The following FGF12 variants were observed in gnomAD, a reference collection of about 807,000 sequenced individuals.
FGF12 encodes fibroblast growth factor 12.
A neutral mutation model predicts 23.6 loss-of-function variants in FGF12; 14 were observed. That is an observed-to-expected ratio of 0.59 (90% CI 0.39 to 0.93). The LOEUF is 0.93. Among genes scored for constraint, FGF12 ranks in the 40% least tolerant of loss-of-function variants. The pLI is 0.00. For synonymous variants in FGF12, 62 were observed against 77.3 expected (o/e 0.80, Z 1.04); for missense variants, 175 against 217.8 (o/e 0.80, Z 1.24).
At chr3:192,710,264 T>A (rs1212806561) in intron 2 of FGF12, among the ~76,000 whole-genome samples, 4 of 152,172 alleles carry the variant, frequency 2.6e-5, no homozygotes, top group African/African-American at 9.7e-5. Context: ...ATGTAAGTAT[T>A]TAGTATTTAA....
At position 192,587,780 on chromosome 3, in the gene FGF12, C is replaced by T. The variant is rs1183281733; in HGVS notation, c.13+139401G>A. On this transcript the variant is annotated intron_variant, in intron 2 of 5. Coordinates refer to ENST00000445105, the MANE Select transcript of FGF12 (RefSeq NM_004113.6). ...AGGTTACAGGGAGCTATGACTGCAT[C>T]GCTGTATTCCAGCTGGGTGACACAG... Among the ~76,000 whole-genome samples the T allele has an allele frequency of 4.6e-5, 7 of 151,890 alleles. 1 individual carries two copies. The highest frequency in any genetic ancestry group is 1.9e-4 in the East Asian group (1 of 5,174).
At chr3:192,208,320 A>G (rs991506821) in intron 4 of FGF12, among the ~76,000 whole-genome samples, 13 of 152,230 alleles carry the variant, frequency 8.5e-5, no homozygotes, top group Non-Finnish European at 1.0e-4. Context: ...ATAACTCAAA[A>G]CACTGTAGGG....
chr3:192,166,822 C>A (rs1458911838), intron 5 of FGF12, among the ~76,000 whole-genome samples: 1 of 151,792 alleles, frequency 6.6e-6, no homozygotes, highest in African/African-American at 2.4e-5. Context: ...TGGCCTAAAA[C>A]CAATTAAGTT....
At chr3:192,230,029 C>T (rs1032608493) in intron 4 of FGF12, among the ~76,000 whole-genome samples, 3 of 152,110 alleles carry the variant, frequency 2.0e-5, no homozygotes, top group African/African-American at 7.2e-5. Context: ...CATCTTTCTA[C>T]TTAAGCTGTG....
chr3:192,310,573 A>G (rs1195655122), intron 4 of FGF12, among the ~76,000 whole-genome samples: 1 of 152,214 alleles, frequency 6.6e-6, no homozygotes, highest in Non-Finnish European at 1.5e-5. Flanking sequence ...GTTTTCATTA[A>G]ATAGCTCAAA....
rs74856777 is a variant in FGF12, at chr3:192,474,971, G to C, written c.14-114433C>G. Among the ~76,000 whole-genome samples the C allele has an allele frequency of 2.9e-3, 441 of 151,976 alleles. 2 individuals carry two copies. The highest frequency in any genetic ancestry group is 0.01 in the African/African-American group (435 of 41,450). On this transcript the variant is annotated intron_variant, in intron 2 of 5. Coordinates refer to ENST00000445105, the MANE Select transcript of FGF12 (RefSeq NM_004113.6). Reference sequence around the variant, plus strand: ...AGGAGAATTAACAGAATGTTCTGTGGGCTCTTGAGTCTTTTGCCTAGTTCT... The same window carrying C: ...AGGAGAATTAACAGAATGTTCTGTGCGCTCTTGAGTCTTTTGCCTAGTTCT...
chr3:192,604,350 T>C (rs1714247658), intron 2 of FGF12, among the ~76,000 whole-genome samples: 1 of 152,208 alleles, frequency 6.6e-6, no homozygotes, highest in Non-Finnish European at 1.5e-5. Context: ...GAGATTAAAG[T>C]AAAGATAGGC....
chr3:192,345,367 C>T (rs1199484175), intron 3 of FGF12, among the ~76,000 whole-genome samples: 1 of 152,136 alleles, frequency 6.6e-6, no homozygotes, highest in Non-Finnish European at 1.5e-5. Context: ...CTGGTGGCTA[C>T]AAAGCTGTAA....
intron 2 of FGF12, among the ~76,000 whole-genome samples, chr3:192,610,309 T>G (rs1198989575): frequency 6.6e-6 from 1 of 152,068 alleles, no homozygotes; most frequent in Non-Finnish European, 1.5e-5. Context: ...TCCCTTTTAT[T>G]GTACATTGTC....
At chr3:192,522,867 A>G (rs1214683022) in intron 2 of FGF12, among the ~76,000 whole-genome samples, 1 of 152,242 alleles carries the variant, frequency 6.6e-6, no homozygotes, top group East Asian at 1.9e-4. Flanking sequence ...AAGAATGTGC[A>G]TACGTTCACG....
chr3:192,225,019 C>T (rs1321011996), intron 4 of FGF12, among the ~76,000 whole-genome samples: 1 of 152,024 alleles, frequency 6.6e-6, no homozygotes, highest in Non-Finnish European at 1.5e-5. Flanking sequence ...CCTTGCCCAT[C>T]CTTACTACAG....
At chr3:192,648,149 T>C (rs2108673604) in intron 2 of FGF12, among the ~76,000 whole-genome samples, 1 of 152,240 alleles carries the variant, frequency 6.6e-6, no homozygotes, top group Non-Finnish European at 1.5e-5. Context: ...CATTCTGACA[T>C]GACACAATAT....
intron 2 of FGF12, among the ~76,000 whole-genome samples, chr3:192,535,580 G>T (rs1725204958): frequency 6.6e-6 from 1 of 152,122 alleles, no homozygotes; most frequent in Non-Finnish European, 1.5e-5. Flanking sequence ...TATAGAAATG[G>T]CCAAGAGACT....
intron 2 of FGF12, among the ~76,000 whole-genome samples, chr3:192,623,107 T>C (rs1715035711): frequency 6.6e-6 from 1 of 152,230 alleles, no homozygotes; most frequent in Non-Finnish European, 1.5e-5. Flanking sequence ...CCAGGTCCCC[T>C]GCTAGAGGTT....
At chr3:192,483,408 T>C (rs1481894522) in intron 2 of FGF12, among the ~76,000 whole-genome samples, 1 of 152,118 alleles carries the variant, frequency 6.6e-6, no homozygotes, top group Non-Finnish European at 1.5e-5. Context: ...GAAAACGTAT[T>C]ATACAACAGC....
intron 3 of FGF12, among the ~76,000 whole-genome samples, chr3:192,337,063 C>T (rs1490915923): frequency 6.6e-6 from 1 of 152,046 alleles, no homozygotes; most frequent in Non-Finnish European, 1.5e-5. Flanking sequence ...TATATTCTTA[C>T]CAGTGTCCTT....
At chr3:192,430,192 T>G (rs1721819408) in intron 2 of FGF12, among the ~76,000 whole-genome samples, 2 of 151,724 alleles carry the variant, frequency 1.3e-5, no homozygotes, top group African/African-American at 4.8e-5. Context: ...TTATTCAGCC[T>G]TAAAAAAAAA....
intron 2 of FGF12, among the ~76,000 whole-genome samples, chr3:192,689,972 C>A (rs1204833492): frequency 6.6e-6 from 1 of 151,662 alleles, no homozygotes; most frequent in Non-Finnish European, 1.5e-5. Flanking sequence ...TTAGTAGAAA[C>A]CTTGCAAGCC....
chr3:192,316,026 T>C (rs1716211604), intron 4 of FGF12, among the ~76,000 whole-genome samples: 1 of 152,180 alleles, frequency 6.6e-6, no homozygotes, highest in Non-Finnish European at 1.5e-5. Flanking sequence ...GCTTTAAGGA[T>C]AAGAATGAGA....
Sources: gnomAD v4.1 joint callset for allele counts (sites outside exome capture counted in the v4.1 genomes callset) on GRCh38, gnomAD v4.1.1 for gene constraint, MANE v1.5 for transcripts, NCBI Gene and HGNC (gene_info 2026-07-23, HGNC 2026-07-21) for gene names.